Variants in TNIK observed in about 807,000 individuals in gnomAD.
TNIK encodes the protein TRAF2 and NCK-interacting protein kinase.
TNIK carries 49 observed loss-of-function variants against 191.3 expected under a neutral mutation model. The ratio of observed to expected loss-of-function variants is 0.26; its 90% CI spans 0.20 to 0.32. TNIK has a LOEUF of 0.32. Among genes scored for constraint, TNIK ranks in the 10% least tolerant of loss-of-function variants. TNIK has a pLI of 1.00. For synonymous variants in TNIK, 594 were observed against 600.9 expected, an observed-to-expected ratio of 0.99 and a Z score of 0.17; for missense variants, 1,155 against 1,702.3, an observed-to-expected ratio of 0.68 and a Z score of 5.66.
chr3:171,065,974 C>G (rs1576880425), intron 32 of TNIK, among the ~76,000 whole-genome samples: 1 of 152,138 alleles, frequency 6.6e-6, no homozygotes, highest in Admixed American at 6.5e-5. Flanking sequence ...AAGAGGTTTA[C>G]AAGAAATTTC....
In TNIK at chr3:171,211,150, T is replaced by C; in HGVS notation, c.272A>G (p.Lys91Arg). 4.3e-6 allele frequency: 7 copies of C among 1,613,068 alleles called. No individual in the cohort carries two copies. Among genetic ancestry groups the C allele is most frequent in the Non-Finnish European group, 5.9e-6 (7 of 1,179,550 alleles). Residue 91 changes from lysine to arginine, a missense_variant, in exon 4 of 33, where the codon AAA becomes AGA. Lys to Arg is a conservative substitution (Grantham distance 26, BLOSUM62 2). This residue lies in a region of TNIK where 225 missense variants were observed against 438.9 expected (regional missense o/e 0.51). Transcript: ENST00000436636. ...NIATYYGAFI[K>R]KNPPGMDDQL... ...GTCATCCATGCCTGGTGGGTTCTTT[T>C]TGATAAAAGCACCATAGTATGTAGC...
chr3:171,269,110 T>C (rs1382694597), intron 2 of TNIK, among the ~76,000 whole-genome samples: 5 of 152,186 alleles, frequency 3.3e-5, no homozygotes, highest in African/African-American at 4.8e-5. Context: ...CCTCAAAAAT[T>C]TGTAATTAAA....
At position 171,084,189 on chromosome 3, in the gene TNIK, T is replaced by A. The variant is rs1721051561; in HGVS notation, c.3135A>T (p.Arg1045=). Residue 1045 remains arginine (R), a synonymous_variant, in exon 26 of 33, where the codon CGA becomes CGT. Transcript: ENST00000436636. Reference sequence around the variant, plus strand: ...CTGCACAAAGTATTTCTGAGTTGAATCGTTTCTTGTATTTTCTGATTTCTG... The same window carrying A: ...CTGCACAAAGTATTTCTGAGTTGAAACGTTTCTTGTATTTTCTGATTTCTG... The part of the protein sequence containing the change: ...DTPEIRKYKK[R]FNSEILCAAL... 1 of 1,612,228 alleles carries A rather than the reference T, an allele frequency of 6.2e-7. No homozygotes were observed. The highest frequency in any genetic ancestry group is 8.5e-7 in the Non-Finnish European group (1 of 1,179,358).
At position 171,063,493 on chromosome 3, in the gene TNIK, A is replaced by C. The variant is rs1210122011; in HGVS notation, c.*388T>G. Reference sequence around the variant, plus strand: ...TAAAAGACTCATTTTCGCAGTATGCATTCTTTCCCCATTCTTGCAGAGTAA... The same window carrying C: ...TAAAAGACTCATTTTCGCAGTATGCCTTCTTTCCCCATTCTTGCAGAGTAA... On this transcript the variant is annotated 3_prime_UTR_variant, in exon 33 of 33. Transcript: ENST00000436636. The C allele has an allele frequency of 6.2e-6, 1 of 161,032 alleles. No homozygotes were observed. Among genetic ancestry groups the C allele is most frequent in the African/African-American group, 2.4e-5 (1 of 41,692 alleles). 10.0% of individuals were successfully genotyped at this position (161,032 alleles called of 1,614,324 possible).
intron 2 of TNIK, among the ~76,000 whole-genome samples, chr3:171,307,895 C>T (rs553486048): frequency 1.3e-5 from 2 of 152,118 alleles, no homozygotes; most frequent in African/African-American, 4.8e-5. Flanking sequence ...GGCTATGTGC[C>T]ACGAGATGAC....
intron 4 of TNIK, among the ~76,000 whole-genome samples, chr3:171,210,591 A>G (rs1210510801): frequency 6.6e-6 from 1 of 152,172 alleles, no homozygotes; most frequent in African/African-American, 2.4e-5. Context: ...TTACAGAGTT[A>G]AAGTTTATGT....
chr3:171,113,672 T>C (rs569677929), intron 18 of TNIK, among the ~76,000 whole-genome samples: 3 of 150,396 alleles, frequency 2.0e-5, no homozygotes, highest in Non-Finnish European at 4.4e-5. Context: ...CCATTAAAAA[T>C]ATATATATAT....
At chr3:171,336,941 G>A (rs968063832) in intron 2 of TNIK, among the ~76,000 whole-genome samples, 2 of 152,162 alleles carry the variant, frequency 1.3e-5, no homozygotes, top group Admixed American at 6.5e-5. Flanking sequence ...GAATCCTAGT[G>A]GGGATGAGAA....
At chr3:171,356,345 C>T (rs1446071594) in intron 2 of TNIK, among the ~76,000 whole-genome samples, 1 of 152,098 alleles carries the variant, frequency 6.6e-6, no homozygotes, top group African/African-American at 2.4e-5. Context: ...TATGCCGCTT[C>T]CTTTTTTGTA....
intron 2 of TNIK, among the ~76,000 whole-genome samples, chr3:171,336,990 T>C: frequency 6.6e-6 from 1 of 152,138 alleles, no homozygotes. Flanking sequence ...CTCTGGATTC[T>C]GACACAGCTT....
Position 171,062,249 on chromosome 3 carries a change from C to A in TNIK, c.*1632G>T, listed in dbSNP as rs1377646537. 2 of 152,100 alleles carry A rather than the reference C, an allele frequency of 1.3e-5. No homozygotes were observed. Among genetic ancestry groups the A allele is most frequent in the Admixed American group, 6.6e-5 (1 of 15,250 alleles). 9.4% of individuals were successfully genotyped at this position (152,100 alleles called of 1,614,324 possible). On this transcript the variant is annotated 3_prime_UTR_variant, in exon 33 of 33. Coordinates refer to ENST00000436636, the MANE Select transcript of TNIK (RefSeq NM_015028.4). ...TTAGTTTTTGTCATTGGATTCCCCC[C>A]ACTTCCAATTTTTTAAGAAGAAAAA...
chr3:171,117,003 G>GCTAT (rs772592886), intron 18 of TNIK, among the ~76,000 whole-genome samples: 4 of 152,180 alleles, frequency 2.6e-5, no homozygotes, highest in African/African-American at 4.8e-5. Context: ...GGATGACTGT[G>GCTAT]CTATCTCCCA....
intron 2 of TNIK, among the ~76,000 whole-genome samples, chr3:171,327,428 G>A (rs928550621): frequency 1.3e-5 from 2 of 152,180 alleles, no homozygotes; most frequent in African/African-American, 4.8e-5. Context: ...CAAGGGACTG[G>A]TTCTACCCAA....
chr3:171,158,274 G>A (rs1733495784), intron 11 of TNIK, among the ~76,000 whole-genome samples: 1 of 152,222 alleles, frequency 6.6e-6, no homozygotes. Flanking sequence ...AAAGGGCTTG[G>A]TTTGGCTCTG....
chr3:171,070,928 C>T (rs1350659851), intron 29 of TNIK, among the ~76,000 whole-genome samples: 1 of 152,160 alleles, frequency 6.6e-6, no homozygotes, highest in Non-Finnish European at 1.5e-5. Context: ...TAACAAATGT[C>T]ATTGCATAAG....
chr3:171,429,166 T>C (rs555130252), intron 1 of TNIK, among the ~76,000 whole-genome samples: 1 of 152,264 alleles, frequency 6.6e-6, no homozygotes, highest in African/African-American at 2.4e-5. Context: ...AAACACTCCA[T>C]CTTAACCATC....
At chr3:171,383,654 T>C (rs1403048925) in intron 1 of TNIK, among the ~76,000 whole-genome samples, 1 of 152,156 alleles carries the variant, frequency 6.6e-6, no homozygotes, top group Non-Finnish European at 1.5e-5. Flanking sequence ...AAAAAAAAAT[T>C]TGGAAAGGGA....
At chr3:171,375,780 A>G (rs1402367956) in intron 1 of TNIK, among the ~76,000 whole-genome samples, 1 of 152,220 alleles carries the variant, frequency 6.6e-6, no homozygotes, top group Non-Finnish European at 1.5e-5. Flanking sequence ...AAAAGATGAT[A>G]CATATTCTTT....
chr3:171,202,659 A>G (rs1739559222), intron 4 of TNIK, among the ~76,000 whole-genome samples: 1 of 152,236 alleles, frequency 6.6e-6, no homozygotes, highest in African/African-American at 2.4e-5. Context: ...TTATCAAAGA[A>G]TCACCCATTA....
Sources: allele counts gnomAD v4.1 joint callset (sites outside exome capture counted in the v4.1 genomes callset), GRCh38; gene constraint gnomAD v4.1.1; regional missense constraint gnomAD v4.1.1; transcripts MANE v1.5; gene names NCBI Gene and HGNC (gene_info 2026-07-23, HGNC 2026-07-21).